Variants in HAL observed in about 807,000 individuals in gnomAD.
HAL encodes the protein histidine ammonia-lyase.
In HAL, 85 loss-of-function variants were observed where a neutral mutation model predicts 81.1. The ratio of observed to expected loss-of-function variants is 1.05; its 90% confidence interval spans 0.88 to 1.25. The LOEUF (loss-of-function observed/expected upper bound fraction) is 1.25, where lower values mean the gene tolerates loss of function less well. Among genes scored for constraint, HAL ranks in the 50% most tolerant of loss-of-function variants. HAL has a pLI of 0.00. For missense variants in HAL, 798 were observed against 836.6 expected (o/e 0.95, Z 0.57); for synonymous variants, 301 against 309.2 (o/e 0.97, Z 0.28).
intron 7 of HAL, 33 bp downstream of exon 7, chr12:95,993,739 T>A: frequency 8.7e-7 from 1 of 1,149,914 alleles, no homozygotes; most frequent in Non-Finnish European, 1.3e-6. Flanking sequence ...TGAGGGTAGG[T>A]GGAACGTGAA....
intron 13 of HAL, 29 bp from the exon 14 acceptor site, chr12:95,985,995 G>C (rs759677823): frequency 3.1e-6 from 5 of 1,600,346 alleles, no homozygotes; most frequent in Non-Finnish European, 1.7e-6. Flanking sequence ...GGATGAGACA[G>C]GGATCATGTT....
chr12:95,993,511 C>G, intron 7 of HAL, 23 bp from the exon 8 acceptor site: 2 of 1,503,812 alleles, frequency 1.3e-6, no homozygotes, highest in African/African-American at 1.4e-5. Flanking sequence ...GGTAAAAACC[C>G]TCTTAGATAC....
chr12:95,975,344 T>C (rs1035598728), intron 20 of HAL, among the ~76,000 whole-genome samples: 5 of 135,670 alleles, frequency 3.7e-5, no homozygotes, highest in African/African-American at 1.7e-4. Flanking sequence ...CAACCTCTTT[T>C]TTCTTTTTTT....
chr12:95,986,196 C>T (rs1252578011), intron 12 of HAL, 36 bp from the exon 13 acceptor site: 1 of 1,221,448 alleles, frequency 8.2e-7, no homozygotes, highest in East Asian at 2.3e-5. Context: ...CTGAATAATT[C>T]CATTTATTTA....
chr12:95,994,922 G>A lies in HAL; in HGVS notation c.308+11C>T. 1 of 1,611,752 alleles carries A rather than the reference G, an allele frequency of 6.2e-7. No individual in the cohort carries two copies. ...CCCAGAGCAGACCAAAGAGCCTGTG[G>A]GAAAGGATACAGATAAACTCCTTCT... On this transcript the variant is annotated intron_variant, in intron 3 of 20. Coordinates refer to ENST00000261208, the MANE Select transcript of HAL (RefSeq NM_002108.4).
intron 2 of HAL, 106 bp downstream of exon 2, chr12:95,995,558 A>T (rs1388803965): frequency 8.6e-6 from 13 of 1,509,902 alleles, no homozygotes; most frequent in Non-Finnish European, 1.2e-5. Context: ...AGCCTCGGCA[A>T]GCCTGACCTC....
At position 95,978,867 on chromosome 12, in the gene HAL, G is replaced by A. The variant is rs538697130; in HGVS notation, c.1520-789C>T. On this transcript the variant is annotated intron_variant, in intron 17 of 20. Coordinates refer to ENST00000261208, the MANE Select transcript of HAL (RefSeq NM_002108.4). ...TGGCTTTAAGAGTGGTCATGGGTGA[G>A]GCTTCAGTTGTTTTCTATGCTGCAT... 5.3e-5 allele frequency among the ~76,000 whole-genome samples: 8 copies of A among 152,264 alleles called. No homozygotes were observed. In the East Asian group the frequency reaches 1.4e-3, roughly 26 times the overall value.
In HAL at chr12:95,986,168, T is replaced by A; in HGVS notation, c.1052-8A>T. On this transcript the variant is annotated splice_region_variant and splice_polypyrimidine_tract_variant and intron_variant, in intron 12 of 20. Transcript: ENST00000261208. ...GTCGAAGAGCATGAATGTCTAGAAT[T>A]GATGAAGGAGAAAAAGTCTGAATAA... 6.6e-7 allele frequency: 1 copy of A among 1,508,380 alleles called. No individual in the cohort carries two copies. Among genetic ancestry groups the A allele is most frequent in the Non-Finnish European group, 9.2e-7 (1 of 1,083,468 alleles). 93.4% of individuals were successfully genotyped at this position (1,508,380 alleles called of 1,614,324 possible).
chr12:95,979,564 A>G (rs1381298094), intron 17 of HAL, among the ~76,000 whole-genome samples: 1 of 152,210 alleles, frequency 6.6e-6, no homozygotes, highest in East Asian at 1.9e-4. Context: ...GTAATAACTC[A>G]TGCTATCCTG....
intron 9 of HAL, among the ~76,000 whole-genome samples, chr12:95,991,070 A>G (rs1238212724): frequency 6.6e-6 from 1 of 152,180 alleles, no homozygotes; most frequent in Non-Finnish European, 1.5e-5. Flanking sequence ...AGATTGTGCC[A>G]CTGCACTCCA....
chr12:95,991,601 A>G (rs1949971204), intron 9 of HAL, among the ~76,000 whole-genome samples: 1 of 152,240 alleles, frequency 6.6e-6, no homozygotes, highest in South Asian at 2.1e-4. Context: ...CTGAAATAAA[A>G]TCAGATTCCT....
At chr12:95,983,303 G>A (rs755894476) in intron 15 of HAL, among the ~76,000 whole-genome samples, 5 of 152,038 alleles carry the variant, frequency 3.3e-5, no homozygotes, top group African/African-American at 9.7e-5. Context: ...CAGGAGAATC[G>A]CTTGAACCCG....
chr12:95,994,539 G>A (rs1296211143), intron 4 of HAL, among the ~76,000 whole-genome samples: 17 of 152,032 alleles, frequency 1.1e-4, no homozygotes, highest in African/African-American at 4.1e-4. Context: ...ACAGGTGCAC[G>A]CCACCATACC....
intron 20 of HAL, chr12:95,976,149 T>C: frequency 4.4e-6 from 2 of 453,554 alleles, no homozygotes; most frequent in South Asian, 2.1e-5. Flanking sequence ...TCAATGAACC[T>C]GACATCTTAT....
chr12:95,975,914 T>G (rs1241879844), intron 20 of HAL, among the ~76,000 whole-genome samples: 1 of 152,222 alleles, frequency 6.6e-6, no homozygotes, highest in East Asian at 1.9e-4. Context: ...ACCTGGCAGC[T>G]GAGTATACGG....
chr12:95,990,156 G>C (rs1041455811), intron 10 of HAL: 73 of 574,316 alleles, frequency 1.3e-4, no homozygotes, highest in Non-Finnish European at 1.9e-4. Context: ...AACAGTAGCA[G>C]TTATGCCTTT....
At chr12:95,981,670 G>C (rs191000135) in intron 15 of HAL, among the ~76,000 whole-genome samples, 6 of 152,290 alleles carry the variant, frequency 3.9e-5, no homozygotes, top group Admixed American at 2.0e-4. Context: ...ATGTTGGCCA[G>C]GCTGGTCTTG....
intron 15 of HAL, among the ~76,000 whole-genome samples, chr12:95,982,510 G>C (rs1327318608): frequency 1.3e-5 from 2 of 152,246 alleles, no homozygotes; most frequent in African/African-American, 4.8e-5. Context: ...AGACTGGTAC[G>C]TGAGATAAGA....
Position 95,996,072 on chromosome 12 carries a change from A to G in HAL, c.-82+6T>C. ...TCATGCATTGGACAAATATTTATTG[A>G]GGTACCTGCTGTCCCTTTGGTTTTT... On this transcript the variant is annotated splice_donor_region_variant and intron_variant, in intron 1 of 20. Transcript: ENST00000261208. 1.4e-6 allele frequency: 1 copy of G among 736,680 alleles called. No individual in the cohort carries two copies. The highest frequency in any genetic ancestry group is 2.3e-6 in the Non-Finnish European group (1 of 432,758). 45.6% of individuals were successfully genotyped at this position (736,680 alleles called of 1,614,324 possible).
Sources: allele counts gnomAD v4.1 joint callset (sites outside exome capture counted in the v4.1 genomes callset), GRCh38; gene constraint gnomAD v4.1.1; transcripts MANE v1.5; gene names NCBI Gene and HGNC (gene_info 2026-07-23, HGNC 2026-07-21).